ASB16: variants seen among roughly 807,000 people sequenced by gnomAD.
ASB16 encodes the protein ankyrin repeat and SOCS box protein 16.
In ASB16, 44 loss-of-function variants were observed where a neutral mutation model predicts 39.1. That is an observed-to-expected ratio of 1.13 (90% CI 0.88 to 1.45). The LOEUF (loss-of-function observed/expected upper bound fraction) is 1.45. ASB16 is among the 40% of genes most tolerant of loss of function. ASB16 has a pLI of 0.00. For missense variants in ASB16, 698 were observed against 634.5 expected, an observed-to-expected ratio of 1.10 and a Z score of -1.07; for synonymous variants, 305 against 286.7, an observed-to-expected ratio of 1.06 and a Z score of -0.64.
intron 1 of ASB16, among the ~76,000 whole-genome samples, 173 bp downstream of exon 1, chr17:44,171,263 G>A (rs2054240839): frequency 6.6e-6 from 1 of 152,124 alleles, no homozygotes; most frequent in African/African-American, 2.4e-5. Flanking sequence ...CAGTCTGTAT[G>A]TCTTTTAAGA....
intron 4 of ASB16, 46 bp downstream of exon 4, chr17:44,177,768 G>C (rs375931013): frequency 6.2e-7 from 1 of 1,602,064 alleles, no homozygotes; most frequent in East Asian, 2.2e-5. Flanking sequence ...ACGAGCCACA[G>C]GCCTATTCCT....
intron 2 of ASB16, 37 bp from the exon 3 acceptor site, chr17:44,176,701 C>T: frequency 6.2e-7 from 1 of 1,613,812 alleles, no homozygotes; most frequent in Non-Finnish European, 8.5e-7. Context: ...CCCAAGCCTT[C>T]AGGATTTTCC....
Position 44,176,986 on chromosome 17 carries a change from C to G in ASB16, c.818C>G (p.Ala273Gly). The change falls in exon 3 of 5, where the codon GCT (alanine) becomes GGT (glycine). Residue 273 changes from alanine (A) to glycine (G), a missense_variant. Coordinates refer to ENST00000293414, the MANE Select transcript of ASB16 (RefSeq NM_080863.5). ...HQAAARRLLE[A>G]GADARAAGRK... is the part of the protein sequence containing the mutation. The stretch of plus-strand genomic sequence containing the variant: ...GCTGCGGCGCGCCGGCTCCTGGAGG[C>G]TGGAGCTGATGCCCGGGCGGCCGGG... 1 of 1,491,614 alleles carries G rather than the reference C, an allele frequency of 6.7e-7. No individual in the cohort carries two copies. The highest frequency in any genetic ancestry group is 8.8e-7 in the Non-Finnish European group (1 of 1,132,780). 92.4% of individuals were successfully genotyped at this position (1,491,614 alleles called of 1,614,324 possible). A position where few individuals can be genotyped will look rare whatever the true frequency, so the allele number is the denominator to read the frequency against.
At chr17:44,175,767 G>C (rs2054282772) in intron 2 of ASB16, among the ~76,000 whole-genome samples, 1 of 152,080 alleles carries the variant, frequency 6.6e-6, no homozygotes, top group Admixed American at 6.6e-5. Flanking sequence ...ACAGTGTTCT[G>C]GCCTATAATT....
At position 44,172,079 on chromosome 17, in the gene ASB16, C is replaced by T. The variant is rs775541665; in HGVS notation, c.335C>T (p.Thr112Met). ...FWVLTPKTKQ[T>M]APLAIATARG... is the part of the protein sequence containing the mutation. The stretch of plus-strand genomic sequence containing the variant: ...GTGCTGACCCCCAAGACCAAGCAGA[C>T]GGCACCCCTCGCCATCGCTACAGCC... Residue 112 changes from threonine (T) to methionine (M), a missense_variant, in exon 2 of 5, where the codon ACG becomes ATG. Coordinates refer to ENST00000293414, the MANE Select transcript of ASB16 (RefSeq NM_080863.5). 1.2e-4 allele frequency: 195 copies of T among 1,611,868 alleles called. No homozygotes were observed. Among genetic ancestry groups the T allele is most frequent in the East Asian group, 2.2e-4 (10 of 44,874 alleles).
chr17:44,172,335 C>G, intron 2 of ASB16, 22 bp downstream of exon 2: 1 of 1,587,630 alleles, frequency 6.3e-7, no homozygotes, highest in South Asian at 1.1e-5. Flanking sequence ...GGGGCTGAGA[C>G]AGTTTGGGGA....
At chr17:44,173,257 G>A (rs896564546) in intron 2 of ASB16, among the ~76,000 whole-genome samples, 2 of 151,494 alleles carry the variant, frequency 1.3e-5, no homozygotes, top group African/African-American at 4.9e-5. Flanking sequence ...GCTGGGCATG[G>A]TGGCTGGCGC....
At chr17:44,173,298 CAGG>C (rs1030525589) in intron 2 of ASB16, among the ~76,000 whole-genome samples, 17 of 151,242 alleles carry the variant, frequency 1.1e-4, no homozygotes, top group African/African-American at 4.1e-4. Flanking sequence ...GAGGCTGAGG[CAGG>C]AGAATCGCTT....
At chr17:44,176,232 C>T in intron 2 of ASB16, 2 of 165,296 alleles carry the variant, frequency 1.2e-5, no homozygotes, top group Non-Finnish European at 2.6e-5. Context: ...GTGCTGCCCA[C>T]CTGTGGTCCC....
chr17:44,178,538 T>C lies in ASB16; in HGVS notation c.*148T>C, dbSNP rs2054334157. The C allele has an allele frequency of 1.7e-5, 15 of 865,486 alleles. No individual in the cohort carries two copies. The South Asian group carries it at 2.7e-4, about 16-fold the overall frequency. The allele number at this position is 865,486 out of a possible 1,614,324, so 53.6% of individuals were successfully genotyped here. On this transcript the variant is annotated 3_prime_UTR_variant, in exon 5 of 5. Coordinates refer to ENST00000293414, the MANE Select transcript of ASB16 (RefSeq NM_080863.5). ...CCCAGGCTGGAGTGCAGTGGCGCTA[T>C]CTCGGCTCACTGCAACTTCTACCAC... is the stretch of plus-strand genomic sequence containing the variant.
intron 1 of ASB16, 57 bp from the exon 2 acceptor site, chr17:44,171,989 A>T: frequency 6.5e-7 from 1 of 1,547,430 alleles, no homozygotes; most frequent in South Asian, 1.2e-5. Flanking sequence ...CAGCATCCCC[A>T]CTCCCTGCCC....
At chr17:44,175,085 G>A (rs1253870688) in intron 2 of ASB16, among the ~76,000 whole-genome samples, 153 of 138,394 alleles carry the variant, frequency 1.1e-3, no homozygotes, top group African/African-American at 4.2e-3. Flanking sequence ...CTGGGCGACA[G>A]AGCAAGACTC....
Position 44,178,563 on chromosome 17 carries a change from C to G in ASB16, c.*173C>G. On this transcript the variant is annotated 3_prime_UTR_variant, in exon 5 of 5. Transcript: ENST00000293414. The stretch of plus-strand genomic sequence containing the variant: ...TCTCGGCTCACTGCAACTTCTACCA[C>G]CTAGGTTCAAGCGATTCTTGTGCCC... 2 of 700,740 alleles carry G rather than the reference C, an allele frequency of 2.9e-6. No homozygotes were observed. Among genetic ancestry groups the G allele is most frequent in the Middle Eastern group, 8.2e-4 (2 of 2,444 alleles). 43.4% of individuals were successfully genotyped at this position (700,740 alleles called of 1,614,324 possible).
Position 44,171,098 on chromosome 17 carries a change from G to A in ASB16, c.301+8G>A, listed in dbSNP as rs2144178537. On this transcript the variant is annotated splice_region_variant and intron_variant, in intron 1 of 4. Transcript: ENST00000293414. ...CCTGGTCGGCTGAACAGGGTAGGGGGCACCAGAAGAGGGCAGAAGAGGAGG... is the reference window on the plus strand; with the variant it reads ...CCTGGTCGGCTGAACAGGGTAGGGGACACCAGAAGAGGGCAGAAGAGGAGG... 2 of 1,609,414 alleles carry A rather than the reference G, an allele frequency of 1.2e-6. No individual in the cohort carries two copies. The highest frequency in any genetic ancestry group is 1.1e-5 in the South Asian group (1 of 90,756).
At chr17:44,176,338 C>G (rs1001820658) in intron 2 of ASB16, 2 of 258,954 alleles carry the variant, frequency 7.7e-6, no homozygotes, top group South Asian at 6.8e-5. Flanking sequence ...GCCTGGGCCA[C>G]AGAGAGAGAC....
rs909214511 is a variant in ASB16 at position 44,178,461 on chromosome 17, C to T, written c.*71C>T. The T allele has an allele frequency of 3.5e-6, 5 of 1,421,176 alleles. No individual in the cohort carries two copies. The highest frequency in any genetic ancestry group is 4.7e-6 in the Non-Finnish European group (5 of 1,056,698). 88.0% of individuals were successfully genotyped at this position (1,421,176 alleles called of 1,614,324 possible). ...GTCCCCGCCTCCAACTGCGGAGGAC[C>T]AGTTCCTGGCCCTCTTTTCTTTTCT... is the stretch of plus-strand genomic sequence containing the variant. On this transcript the variant is annotated 3_prime_UTR_variant, in exon 5 of 5. Transcript: ENST00000293414.
chr17:44,177,079 T>G lies in ASB16; in HGVS notation c.911T>G (p.Leu304Arg). Reference protein sequence around the residue: ...NGCGGLAELLLRYGARAEVPN... With the variant: ...NGCGGLAELLRRYGARAEVPN... ...TGCGGGGGCCTGGCCGAGCTGCTGC[T>G]GCGTTACGGGGCCCGCGCTGAGGTC... The change falls in exon 3 of 5, where the codon CTG becomes CGG. Residue 304 changes from leucine (L) to arginine (R), a missense_variant. Transcript: ENST00000293414. 2 of 1,473,790 alleles carry G rather than the reference T, an allele frequency of 1.4e-6. No homozygotes were observed. Among genetic ancestry groups the G allele is most frequent in the Non-Finnish European group, 1.8e-6 (2 of 1,124,642 alleles). 91.3% of individuals were successfully genotyped at this position (1,473,790 alleles called of 1,614,324 possible).
intron 2 of ASB16, 35 bp from the exon 3 acceptor site, chr17:44,176,703 G>A (rs2054294608): frequency 6.2e-7 from 1 of 1,613,844 alleles, no homozygotes; most frequent in Non-Finnish European, 8.5e-7. Flanking sequence ...CAAGCCTTCA[G>A]GATTTTCCTC....
At chr17:44,175,601 A>AGTTTCATCG (rs2054281773) in intron 2 of ASB16, among the ~76,000 whole-genome samples, 1 of 152,000 alleles carries the variant, frequency 6.6e-6, no homozygotes, top group East Asian at 1.9e-4. Flanking sequence ...TGATTATCAG[A>AGTTTCATCG]GTTTCATCGA....
Sources: allele counts gnomAD v4.1 joint callset (sites outside exome capture counted in the v4.1 genomes callset), GRCh38; gene constraint gnomAD v4.1.1; transcripts MANE v1.5; gene names NCBI Gene and HGNC (gene_info 2026-07-23, HGNC 2026-07-21).